KAT7: variants seen among roughly 807,000 people sequenced by gnomAD.
KAT7 encodes lysine acetyltransferase 7.
A neutral mutation model predicts 82.1 loss-of-function variants in KAT7; 10 were observed. That is an observed-to-expected ratio of 0.12 (90% CI 0.08 to 0.21). The LOEUF is 0.21. KAT7 is among the 10% of genes least tolerant of loss of function. The probability of loss-of-function intolerance (pLI) is 1.00; values close to 1 mark genes in which losing one functional copy is unlikely to be tolerated. For synonymous variants in KAT7, 250 were observed against 262.5 expected, an observed-to-expected ratio of 0.95 and a Z score of 0.46; for missense variants, 378 against 760.9, an observed-to-expected ratio of 0.50 and a Z score of 5.92.
At chr17:49,805,518 T>C in intron 5 of KAT7, 73 bp downstream of exon 5, 1 of 1,056,346 alleles carries the variant, frequency 9.5e-7, no homozygotes. Flanking sequence ...TGCTGAACAC[T>C]GGGGATACAG....
At chr17:49,797,569 A>T (rs190947584) in intron 3 of KAT7, among the ~76,000 whole-genome samples, 1 of 152,318 alleles carries the variant, frequency 6.6e-6, no homozygotes, top group East Asian at 1.9e-4. Context: ...GAGGTCACAG[A>T]CTGGTGAACT....
chr17:49,814,664 A>G (rs901813124), intron 7 of KAT7, among the ~76,000 whole-genome samples: 3 of 152,138 alleles, frequency 2.0e-5, no homozygotes, highest in Admixed American at 6.5e-5. Flanking sequence ...GGGATAGGTT[A>G]TTAGGACCCA....
intron 14 of KAT7, 63 bp downstream of exon 14, chr17:49,826,862 TATGGGC>T: frequency 9.2e-7 from 1 of 1,084,676 alleles, no homozygotes; most frequent in Non-Finnish European, 1.4e-6. Context: ...CAGAGCAAAG[TATGGGC>T]CTTAAGACTG....
intron 1 of KAT7, chr17:49,789,647 TC>T (rs1172300499): frequency 2.0e-5 from 3 of 151,866 alleles, no homozygotes; most frequent in African/African-American, 7.3e-5. Flanking sequence ...ATAGAACAAA[TC>T]TAACTCAATT....
At chr17:49,797,816 G>A (rs2073976024) in intron 3 of KAT7, among the ~76,000 whole-genome samples, 1 of 152,198 alleles carries the variant, frequency 6.6e-6, no homozygotes, top group Non-Finnish European at 1.5e-5. Flanking sequence ...CTTTGGCCTT[G>A]CTGAGCCCCT....
At chr17:49,820,746 C>T (rs2074292754) in intron 9 of KAT7, among the ~76,000 whole-genome samples, 2 of 141,048 alleles carry the variant, frequency 1.4e-5, no homozygotes, top group African/African-American at 2.7e-5. Context: ...AGGCTGCTTG[C>T]CTTTTTTTTT....
At chr17:49,797,320 C>T (rs2073969974) in intron 3 of KAT7, among the ~76,000 whole-genome samples, 1 of 152,170 alleles carries the variant, frequency 6.6e-6, no homozygotes, top group South Asian at 2.1e-4. Context: ...GCCTCAGCCT[C>T]CCAAAGTGCT....
At position 49,798,329 on chromosome 17, in the gene KAT7, T is replaced by C. The variant is rs750774289; in HGVS notation, c.351T>C (p.Asn117=). 2 of 1,613,840 alleles carry C rather than the reference T, an allele frequency of 1.2e-6. No homozygotes were observed. Among genetic ancestry groups the C allele is most frequent in the East Asian group, 4.5e-5 (2 of 44,866 alleles). The stretch of plus-strand genomic sequence containing the variant: ...TTGCTTTTGCTTTAGAAACTAAAAA[T>C]ACAGCTGATCATGATGAGTCACCGC... ...VVDFSDRETK[N]TADHDESPPR... is the part of the protein sequence containing the mutation. The change falls in exon 4 of 15, where the codon AAT becomes AAC. Residue 117 remains asparagine, a synonymous_variant. Coordinates refer to ENST00000259021, the MANE Select transcript of KAT7 (RefSeq NM_007067.5).
intron 2 of KAT7, among the ~76,000 whole-genome samples, chr17:49,793,539 T>A (rs1174584021): frequency 6.6e-6 from 1 of 151,962 alleles, no homozygotes; most frequent in East Asian, 1.9e-4. Flanking sequence ...AACTTTAACA[T>A]GTTTTGAGCA....
At chr17:49,821,310 C>T in intron 9 of KAT7, 27 bp from the exon 10 acceptor site, 1 of 1,572,488 alleles carries the variant, frequency 6.4e-7, no homozygotes. Context: ...GCTTTGGTTC[C>T]CTGATGTGAA....
At chr17:49,813,723 A>G (rs912136589) in intron 7 of KAT7, among the ~76,000 whole-genome samples, 19 of 152,216 alleles carry the variant, frequency 1.2e-4, no homozygotes, top group Non-Finnish European at 2.4e-4. Context: ...GACTTAAAGT[A>G]TACTGCTGGA....
rs541633533 is a variant in KAT7, at chr17:49,820,545, C to T, written c.1156-792C>T. ...CTGCCCACCTCAGCCTCCCAAAGTG[C>T]TGGGATTACAGGCGTGAGCCACCGC... is the stretch of plus-strand genomic sequence containing the variant. On this transcript the variant is annotated intron_variant, in intron 9 of 14. Transcript: ENST00000259021. Among the ~76,000 whole-genome samples the T allele has an allele frequency of 1.8e-4, 28 of 152,288 alleles. No individual in the cohort carries two copies. In the South Asian group the frequency reaches 5.6e-3, roughly 30 times the overall value.
chr17:49,804,633 C>T (rs1344416364), intron 4 of KAT7, among the ~76,000 whole-genome samples: 1 of 151,938 alleles, frequency 6.6e-6, no homozygotes, highest in Non-Finnish European at 1.5e-5. Flanking sequence ...ATGGGCCCAG[C>T]GTGATGTTGT....
At chr17:49,789,754 T>G (rs2073861085) in intron 1 of KAT7, 1 of 152,164 alleles carries the variant, frequency 6.6e-6, no homozygotes. Context: ...CACAGCCCGA[T>G]AGGAGAAAAC....
chr17:49,822,735 C>A (rs1313078810), intron 11 of KAT7, among the ~76,000 whole-genome samples: 2 of 152,100 alleles, frequency 1.3e-5, no homozygotes, highest in Non-Finnish European at 2.9e-5. Context: ...GTTCTTCTTT[C>A]TCTATAAATT....
intron 7 of KAT7, among the ~76,000 whole-genome samples, chr17:49,814,247 T>C (rs533330044): frequency 6.6e-6 from 1 of 152,278 alleles, no homozygotes; most frequent in South Asian, 2.1e-4. Context: ...TATGAATACA[T>C]GGACATAGGC....
chr17:49,817,773 G>A, intron 8 of KAT7, 47 bp from the exon 9 acceptor site: 1 of 1,516,894 alleles, frequency 6.6e-7, no homozygotes, highest in Non-Finnish European at 9.1e-7. Flanking sequence ...TAAAAGCAAA[G>A]ATAATAAATT....
intron 11 of KAT7, 139 bp downstream of exon 11, chr17:49,821,929 A>C: frequency 2.7e-6 from 2 of 746,878 alleles, no homozygotes; most frequent in South Asian, 1.7e-5. Flanking sequence ...AAAAAAAAAA[A>C]AAAGGCAAAC....
intron 7 of KAT7, 60 bp from the exon 8 acceptor site, chr17:49,815,743 G>C (rs1329843482): frequency 2.0e-6 from 2 of 1,000,866 alleles, no homozygotes; most frequent in Non-Finnish European, 3.2e-6. Flanking sequence ...AAATGAAATA[G>C]ATTAAAAAGT....
Sources: gnomAD v4.1 joint callset for allele counts (sites outside exome capture counted in the v4.1 genomes callset) on GRCh38, gnomAD v4.1.1 for gene constraint, MANE v1.5 for transcripts, NCBI Gene and HGNC (gene_info 2026-07-23, HGNC 2026-07-21) for gene names.